Variants in ZNF521 observed in about 807,000 individuals in gnomAD.
The protein encoded by ZNF521 is LYST-interacting protein 3.
A neutral mutation model predicts 105.5 loss-of-function variants in ZNF521; 14 were observed. The observed-to-expected ratio is 0.13, with a 90% CI of 0.09 to 0.21. The LOEUF (loss-of-function observed/expected upper bound fraction) is 0.21, where lower values mean the gene tolerates loss of function less well. ZNF521 is among the 10% of genes least tolerant of loss of function. The probability of loss-of-function intolerance (pLI) is 1.00; values close to 1 mark genes in which losing one functional copy is unlikely to be tolerated. For missense variants in ZNF521, 1,233 were observed against 1,629.7 expected (o/e 0.76, Z 4.19); for synonymous variants, 635 against 606.0 (o/e 1.05, Z -0.70).
intron 5 of ZNF521, among the ~76,000 whole-genome samples, chr18:25,138,097 T>A (rs2034770946): frequency 6.6e-6 from 1 of 152,092 alleles, no homozygotes. Context: ...TACCAAGGAC[T>A]TCCTGGGAGA....
At chr18:25,159,931 A>G (rs1404363523) in intron 5 of ZNF521, among the ~76,000 whole-genome samples, 1 of 152,230 alleles carries the variant, frequency 6.6e-6, no homozygotes, top group Non-Finnish European at 1.5e-5. Context: ...GGTATTCTAC[A>G]AATGACAGCT....
intron 2 of ZNF521, among the ~76,000 whole-genome samples, chr18:25,341,886 T>C (rs1230410301): frequency 6.6e-6 from 1 of 152,204 alleles, no homozygotes; most frequent in Non-Finnish European, 1.5e-5. Context: ...GGTTCACAGC[T>C]GAATCCTCAG....
chr18:25,290,607 CT>C lies in ZNF521; in HGVS notation c.220+31400del, dbSNP rs35687026. 8.1e-3 allele frequency among the ~76,000 whole-genome samples: 943 copies of C among 116,180 alleles called. 6 individuals carry two copies. Among genetic ancestry groups the C allele is most frequent in the East Asian group, 0.034 (139 of 4,064 alleles). The allele number at this position is 116,180 out of a possible 152,430, so 76.2% of individuals were successfully genotyped here. Reference sequence around the variant, plus strand: ...TGTTTGATGCACAGTAGGCCATATTCTTTTTTTTTTTTTTTTTTTTTGAGAC... The same window carrying C: ...TGTTTGATGCACAGTAGGCCATATTCTTTTTTTTTTTTTTTTTTTTGAGAC... On this transcript the variant is annotated intron_variant, in intron 3 of 7. Coordinates refer to ENST00000361524, the MANE Select transcript of ZNF521 (RefSeq NM_015461.3).
intron 3 of ZNF521, among the ~76,000 whole-genome samples, chr18:25,278,732 C>A (rs186459297): frequency 7.9e-6 from 1 of 126,948 alleles, no homozygotes; most frequent in Non-Finnish European, 1.6e-5. Flanking sequence ...CTAATTTTTC[C>A]TCCTCTTGTT....
intron 2 of ZNF521, chr18:25,327,676 G>A (rs1383685429): frequency 1.9e-6 from 1 of 519,032 alleles, no homozygotes; most frequent in East Asian, 5.4e-5. Flanking sequence ...CTCTAGATAT[G>A]CATTCTAACT....
intron 5 of ZNF521, among the ~76,000 whole-genome samples, chr18:25,125,248 T>C (rs2144367127): frequency 6.6e-6 from 1 of 152,270 alleles, no homozygotes; most frequent in South Asian, 2.1e-4. Flanking sequence ...CAATAATCCA[T>C]TGTTGAACAT....
intron 5 of ZNF521, among the ~76,000 whole-genome samples, chr18:25,183,197 G>A (rs1473611854): frequency 6.6e-6 from 1 of 152,072 alleles, no homozygotes; most frequent in Non-Finnish European, 1.5e-5. Flanking sequence ...TTGATAATAT[G>A]CTATGAATGG....
chr18:25,207,754 CAACCAGGTAT>C (rs1208147414), intron 4 of ZNF521, among the ~76,000 whole-genome samples: 2 of 152,176 alleles, frequency 1.3e-5, no homozygotes. Flanking sequence ...CTGCATCATA[CAACCAGGTAT>C]AACCTCTTAG....
At chr18:25,336,529 C>G (rs912052247) in intron 2 of ZNF521, among the ~76,000 whole-genome samples, 4 of 152,186 alleles carry the variant, frequency 2.6e-5, no homozygotes, top group African/African-American at 9.7e-5. Context: ...AATTAATTAG[C>G]TTCACTTTAT....
rs143650602 is a variant in ZNF521, at chr18:25,266,476, A to ACAGGTC, written c.221-38785_221-38780dup. On this transcript the variant is annotated intron_variant, in intron 3 of 7. Transcript: ENST00000361524. ...TTGCTGGCAAGATGGCTGAACAGGA[A>ACAGGTC]CAGGTCCGGTCTGCAGCTCCCAATG... 9.9e-3 allele frequency among the ~76,000 whole-genome samples: 1,515 copies of ACAGGTC among 152,294 alleles called. 26 individuals are homozygous for ACAGGTC. The highest frequency in any genetic ancestry group is 0.034 in the African/African-American group (1,410 of 41,544).
At chr18:25,237,767 G>C (rs1446276629) in intron 3 of ZNF521, among the ~76,000 whole-genome samples, 1 of 152,154 alleles carries the variant, frequency 6.6e-6, no homozygotes, top group East Asian at 1.9e-4. Context: ...TCTGAGCTCT[G>C]CTCTTTTCTC....
At chr18:25,094,355 C>G (rs1369954733) in intron 5 of ZNF521, among the ~76,000 whole-genome samples, 1 of 151,712 alleles carries the variant, frequency 6.6e-6, no homozygotes, top group East Asian at 1.9e-4. Flanking sequence ...TATTTCTTAC[C>G]CAAAGAAAAG....
chr18:25,092,162 A>G (rs2033760981), intron 5 of ZNF521, 81 bp from the exon 6 acceptor site: 13 of 1,503,606 alleles, frequency 8.6e-6, no homozygotes, highest in Non-Finnish European at 1.2e-5. Context: ...TTAATTGCAT[A>G]TATTAAACTA....
chr18:25,198,771 T>A (rs1443331185), intron 4 of ZNF521, among the ~76,000 whole-genome samples: 2 of 151,890 alleles, frequency 1.3e-5, no homozygotes, highest in African/African-American at 4.8e-5. Flanking sequence ...TATAGAAGAA[T>A]GACAGCAGAA....
chr18:25,160,786 T>A (rs777912677), intron 5 of ZNF521, among the ~76,000 whole-genome samples: 2 of 152,078 alleles, frequency 1.3e-5, no homozygotes, highest in Non-Finnish European at 2.9e-5. Flanking sequence ...GAGATGACAT[T>A]TGGGGAGGTT....
chr18:25,092,210 G>T, intron 5 of ZNF521, 129 bp from the exon 6 acceptor site: 1 of 1,041,206 alleles, frequency 9.6e-7, no homozygotes, highest in Non-Finnish European at 1.3e-6. Flanking sequence ...TATTATATAT[G>T]GTTTCTGGTT....
chr18:25,084,007 C>T (rs1160826269), intron 7 of ZNF521, among the ~76,000 whole-genome samples: 1 of 127,342 alleles, frequency 7.9e-6, no homozygotes, highest in East Asian at 2.6e-4. Flanking sequence ...TGGTCTCAAT[C>T]TCTTGGGCTC....
intron 5 of ZNF521, among the ~76,000 whole-genome samples, chr18:25,149,768 G>A (rs2035011671): frequency 6.6e-6 from 1 of 152,172 alleles, no homozygotes; most frequent in African/African-American, 2.4e-5. Flanking sequence ...ATATCTTGTA[G>A]TAGTTCATAA....
chr18:25,341,463 G>T (rs997868205), intron 2 of ZNF521, among the ~76,000 whole-genome samples: 1 of 152,058 alleles, frequency 6.6e-6, no homozygotes, highest in South Asian at 2.1e-4. Context: ...ACCATTGCAC[G>T]ATTAACTTTC....
Sources: allele counts gnomAD v4.1 joint callset (sites outside exome capture counted in the v4.1 genomes callset), GRCh38; gene constraint gnomAD v4.1.1; transcripts MANE v1.5; gene names NCBI Gene and HGNC (gene_info 2026-07-23, HGNC 2026-07-21).